The following MOB3B variants were observed in gnomAD, a reference collection of about 807,000 sequenced individuals.
MOB3B encodes the protein MOB kinase activator-like 2B.
In MOB3B, 7 loss-of-function variants were observed where a neutral mutation model predicts 18.7. The observed-to-expected ratio is 0.37, with a 90% confidence interval of 0.21 to 0.70. MOB3B has a LOEUF of 0.70. Among genes scored for constraint, MOB3B ranks in the 30% least tolerant of loss-of-function variants. The pLI is 0.52. For synonymous variants in MOB3B, 111 were observed against 99.9 expected, an observed-to-expected ratio of 1.11 and a Z score of -0.66; for missense variants, 253 against 281.3, an observed-to-expected ratio of 0.90 and a Z score of 0.72.
At chr9:27,408,889 G>A (rs1164889909) in intron 2 of MOB3B, among the ~76,000 whole-genome samples, 1 of 152,076 alleles carries the variant, frequency 6.6e-6, no homozygotes, top group Non-Finnish European at 1.5e-5. Flanking sequence ...CCTGCCTTGA[G>A]GAACTCACCC....
intron 2 of MOB3B, among the ~76,000 whole-genome samples, chr9:27,410,130 G>A (rs913481279): frequency 1.3e-5 from 2 of 152,136 alleles, no homozygotes; most frequent in Admixed American, 1.3e-4. Context: ...TTTAAAAAAT[G>A]TTTGAACTTA....
intron 2 of MOB3B, among the ~76,000 whole-genome samples, chr9:27,450,541 G>C (rs975905395): frequency 6.6e-6 from 1 of 152,004 alleles, no homozygotes; most frequent in Admixed American, 6.6e-5. Flanking sequence ...TTATCTAAAA[G>C]TTCTAGCCAA....
intron 2 of MOB3B, among the ~76,000 whole-genome samples, chr9:27,389,174 C>T (rs919880229): frequency 6.6e-6 from 1 of 152,176 alleles, no homozygotes; most frequent in African/African-American, 2.4e-5. Flanking sequence ...CCTGCAGCAT[C>T]ACTTGGAACT....
chr9:27,365,282 G>A (rs1387409037), intron 2 of MOB3B, among the ~76,000 whole-genome samples: 2 of 151,642 alleles, frequency 1.3e-5, no homozygotes, highest in African/African-American at 2.4e-5. Flanking sequence ...ACTTTGCAAT[G>A]AGGAACACTG....
At chr9:27,391,952 C>T (rs1821733910) in intron 2 of MOB3B, among the ~76,000 whole-genome samples, 1 of 152,186 alleles carries the variant, frequency 6.6e-6, no homozygotes, top group East Asian at 1.9e-4. Flanking sequence ...GACATGATGC[C>T]ATGCCTCTAT....
At chr9:27,372,048 G>C (rs1821424436) in intron 2 of MOB3B, among the ~76,000 whole-genome samples, 1 of 152,190 alleles carries the variant, frequency 6.6e-6, no homozygotes, top group Admixed American at 6.5e-5. Flanking sequence ...GTAGCACTGA[G>C]CACATGAAAC....
At chr9:27,487,357 C>T (rs1044089694) in intron 1 of MOB3B, among the ~76,000 whole-genome samples, 3 of 151,978 alleles carry the variant, frequency 2.0e-5, no homozygotes, top group Admixed American at 6.6e-5. Flanking sequence ...GATCGGTTTA[C>T]ATTCCAGGGT....
intron 1 of MOB3B, among the ~76,000 whole-genome samples, chr9:27,528,940 G>A (rs1362275376): frequency 6.6e-6 from 1 of 152,190 alleles, no homozygotes; most frequent in Admixed American, 6.5e-5. Flanking sequence ...GAGGGGCTGG[G>A]ATTCCAGATG....
At chr9:27,345,233 G>T (rs1024938904) in intron 3 of MOB3B, among the ~76,000 whole-genome samples, 3 of 152,090 alleles carry the variant, frequency 2.0e-5, no homozygotes, top group African/African-American at 4.8e-5. Flanking sequence ...ACTAAAAATT[G>T]CTCTCTAAAT....
At chr9:27,516,326 G>A (rs1410442963) in intron 1 of MOB3B, among the ~76,000 whole-genome samples, 1 of 152,164 alleles carries the variant, frequency 6.6e-6, no homozygotes, top group Non-Finnish European at 1.5e-5. Context: ...AAGAAACCAG[G>A]CAAACTTGCA....
At chr9:27,380,488 C>T (rs1392594196) in intron 2 of MOB3B, among the ~76,000 whole-genome samples, 3 of 152,186 alleles carry the variant, frequency 2.0e-5, no homozygotes, top group Non-Finnish European at 4.4e-5. Context: ...CCACCCGCCT[C>T]GGCCTCCCAA....
At chr9:27,499,252 C>G (rs2131493389) in intron 1 of MOB3B, among the ~76,000 whole-genome samples, 1 of 152,192 alleles carries the variant, frequency 6.6e-6, no homozygotes, top group African/African-American at 2.4e-5. Flanking sequence ...GACTGAGGAA[C>G]AAGGAAAAAT....
chr9:27,439,978 G>C (rs1403160319), intron 2 of MOB3B, among the ~76,000 whole-genome samples: 2 of 152,106 alleles, frequency 1.3e-5, no homozygotes, highest in Non-Finnish European at 2.9e-5. Context: ...GAGAGGTAAG[G>C]TAGCAATGTA....
chr9:27,426,851 G>A (rs976702229), intron 2 of MOB3B, among the ~76,000 whole-genome samples: 2 of 152,178 alleles, frequency 1.3e-5, no homozygotes, highest in Non-Finnish European at 2.9e-5. Flanking sequence ...CCACCCCCAT[G>A]TGCTTAAAAG....
In MOB3B at chr9:27,329,572, G is replaced by T. The variant is rs1475590010; in HGVS notation, c.*1015C>A. On this transcript the variant is annotated 3_prime_UTR_variant, in exon 4 of 4. Coordinates refer to ENST00000262244, the MANE Select transcript of MOB3B (RefSeq NM_024761.5). ...TAAATGCTCAGAAGGCTAGTGGGGA[G>T]GGTTACAAGTCAGCCGTCTGGGTGT... 6.6e-6 allele frequency: 1 copy of T among 152,486 alleles called. No homozygotes were observed. The highest frequency in any genetic ancestry group is 1.5e-5 in the Non-Finnish European group (1 of 68,034). 9.4% of individuals were successfully genotyped at this position (152,486 alleles called of 1,614,324 possible).
intron 1 of MOB3B, among the ~76,000 whole-genome samples, chr9:27,492,345 T>C (rs1385669708): frequency 2.0e-5 from 3 of 152,118 alleles, no homozygotes; most frequent in Non-Finnish European, 2.9e-5. Flanking sequence ...TAGAAAAAAC[T>C]TGACAAGAAA....
At chr9:27,494,078 A>G (rs1173548514) in intron 1 of MOB3B, among the ~76,000 whole-genome samples, 1 of 152,204 alleles carries the variant, frequency 6.6e-6, no homozygotes, top group Non-Finnish European at 1.5e-5. Flanking sequence ...TTGAGACTGC[A>G]GGGGTGAAAT....
chr9:27,371,160 T>G (rs541530911), intron 2 of MOB3B, among the ~76,000 whole-genome samples: 1 of 152,334 alleles, frequency 6.6e-6, no homozygotes, highest in Admixed American at 6.5e-5. Context: ...CAGATTTGGT[T>G]GGCAAATCAT....
chr9:27,507,961 AGC>A (rs1820084710), intron 1 of MOB3B, among the ~76,000 whole-genome samples: 1 of 152,246 alleles, frequency 6.6e-6, no homozygotes, highest in Admixed American at 6.5e-5. Context: ...AAATGGATTT[AGC>A]ACACAGATGA....
Sources: allele counts gnomAD v4.1 joint callset (sites outside exome capture counted in the v4.1 genomes callset), GRCh38; gene constraint gnomAD v4.1.1; transcripts MANE v1.5; gene names NCBI Gene and HGNC (gene_info 2026-07-23, HGNC 2026-07-21).